GLI3: variants seen among roughly 807,000 people sequenced by gnomAD.
The protein encoded by GLI3 is transcription activator GLI3.
GLI3 carries 20 observed loss-of-function variants against 100.8 expected under a neutral mutation model. The ratio of observed to expected loss-of-function variants is 0.20; its 90% CI spans 0.14 to 0.29. GLI3 has a LOEUF of 0.29. Among genes scored for constraint, GLI3 ranks in the 10% least tolerant of loss-of-function variants. The pLI, the probability that GLI3 is intolerant of heterozygous loss-of-function variation, is 1.00. For synonymous variants in GLI3, 938 were observed against 860.5 expected (o/e 1.09, Z -1.58); for missense variants, 2,040 against 2,128.5 (o/e 0.96, Z 0.82).
intron 3 of GLI3, among the ~76,000 whole-genome samples, chr7:42,135,335 T>C (rs13231026): frequency 0.14 from 21,480 of 152,222 alleles, 1,899 homozygotes; most frequent in Non-Finnish European, 0.2. Context: ...CAGAGTATTA[T>C]AGTCACTCTT....
chr7:42,169,818 G>T lies in GLI3; in HGVS notation c.125-21350C>A, dbSNP rs116885495. On this transcript the variant is annotated intron_variant, in intron 2 of 14. Transcript: ENST00000395925. ...AAATGCCAAAATGTTAGCAGTGATG[G>T]TTATCTGTGAGAAGTCAATTACTTC... Among the ~76,000 whole-genome samples, 851 of 152,106 alleles carry T rather than the reference G, an allele frequency of 5.6e-3. 6 individuals are homozygous for T. Among genetic ancestry groups the T allele is most frequent in the Middle Eastern group, 0.024 (7 of 294 alleles).
At chr7:42,077,707 A>T (rs1276223248) in intron 3 of GLI3, among the ~76,000 whole-genome samples, 1 of 151,504 alleles carries the variant, frequency 6.6e-6, no homozygotes, top group Non-Finnish European at 1.5e-5. Context: ...ACTCACACCC[A>T]TTGTCACTGA....
intron 2 of GLI3, chr7:42,152,073 T>G (rs1786882884): frequency 6.6e-6 from 1 of 152,214 alleles, no homozygotes; most frequent in African/African-American, 2.4e-5. Flanking sequence ...GTTTCGGGTT[T>G]TTTTGTTTTG....
At chr7:42,208,338 C>T (rs1321018101) in intron 2 of GLI3, among the ~76,000 whole-genome samples, 1 of 152,124 alleles carries the variant, frequency 6.6e-6, no homozygotes, top group Non-Finnish European at 1.5e-5. Context: ...TACTGGAACT[C>T]TTTCTAAAAT....
At chr7:42,008,354 GCC>G (rs1788516794) in intron 10 of GLI3, among the ~76,000 whole-genome samples, 1 of 152,202 alleles carries the variant, frequency 6.6e-6, no homozygotes, top group South Asian at 2.1e-4. Context: ...CCACAGGACA[GCC>G]AACCACCAAC....
intron 2 of GLI3, among the ~76,000 whole-genome samples, chr7:42,212,523 G>A (rs1788291010): frequency 6.6e-6 from 1 of 152,150 alleles, no homozygotes; most frequent in South Asian, 2.1e-4. Context: ...CTTATAAAAT[G>A]TAACCATGGT....
chr7:42,040,498 A>G (rs552586169), intron 6 of GLI3, among the ~76,000 whole-genome samples: 47 of 152,270 alleles, frequency 3.1e-4, no homozygotes, highest in African/African-American at 1.0e-3. Flanking sequence ...CAAAAGGGAG[A>G]GATTTTTATG....
chr7:42,146,751 T>A (rs1202331293), intron 3 of GLI3, among the ~76,000 whole-genome samples: 1 of 152,182 alleles, frequency 6.6e-6, no homozygotes, highest in Non-Finnish European at 1.5e-5. Context: ...TCTGCATGGA[T>A]GATGTTTAAA....
intron 2 of GLI3, among the ~76,000 whole-genome samples, chr7:42,153,725 T>C (rs1257115414): frequency 6.6e-6 from 1 of 152,136 alleles, no homozygotes; most frequent in Non-Finnish European, 1.5e-5. Context: ...TAAAGTCACG[T>C]TCAAATGAAT....
chr7:42,213,715 G>A (rs561807355), intron 2 of GLI3, among the ~76,000 whole-genome samples: 4 of 152,322 alleles, frequency 2.6e-5, no homozygotes, highest in South Asian at 4.1e-4. Context: ...GAATGGGCCC[G>A]TAAGTGGAAA....
intron 3 of GLI3, among the ~76,000 whole-genome samples, chr7:42,087,222 C>T (rs1217535073): frequency 6.6e-6 from 1 of 152,206 alleles, no homozygotes; most frequent in Non-Finnish European, 1.5e-5. Context: ...CCTAAGGGGC[C>T]TCCAACAACA....
intron 1 of GLI3, among the ~76,000 whole-genome samples, chr7:42,224,658 C>A (rs554601848): frequency 6.6e-6 from 1 of 152,316 alleles, no homozygotes; most frequent in Admixed American, 6.5e-5. Flanking sequence ...ATTGTAAGAT[C>A]CACTCCAAAT....
chr7:42,205,921 G>C (rs963362546), intron 2 of GLI3, among the ~76,000 whole-genome samples: 1 of 152,108 alleles, frequency 6.6e-6, no homozygotes, highest in Non-Finnish European at 1.5e-5. Context: ...GCTTCCCACA[G>C]CCAATATAAT....
rs1023955570 is a variant in GLI3 at position 42,148,882 on chromosome 7, C to T, written c.125-414G>A. On this transcript the variant is annotated intron_variant, in intron 2 of 14. Coordinates refer to ENST00000395925, the MANE Select transcript of GLI3 (RefSeq NM_000168.6). ...GCTTCCCTTTGCCTGCCTGGGGACG[C>T]GGGGCCTCCGGGGTGACACAAAGTC... is the stretch of plus-strand genomic sequence containing the variant. 3.9e-5 allele frequency among the ~76,000 whole-genome samples: 6 copies of T among 152,134 alleles called. 1 individual carries two copies. The highest frequency in any genetic ancestry group is 6.3e-3 in the Middle Eastern group (2 of 316).
intron 10 of GLI3, among the ~76,000 whole-genome samples, chr7:42,012,175 A>AT: frequency 6.6e-6 from 1 of 152,226 alleles, no homozygotes; most frequent in Non-Finnish European, 1.5e-5. Flanking sequence ...ATTGTTTGTG[A>AT]TTATGGATCA....
chr7:42,016,248 C>A (rs1788758144), intron 10 of GLI3, among the ~76,000 whole-genome samples: 1 of 152,130 alleles, frequency 6.6e-6, no homozygotes, highest in African/African-American at 2.4e-5. Flanking sequence ...CTCCGCACTG[C>A]AGAAAAGCAC....
chr7:42,261,732 A>G (rs371471912), intron 1 of GLI3, among the ~76,000 whole-genome samples: 47 of 152,354 alleles, frequency 3.1e-4, no homozygotes, highest in African/African-American at 1.1e-3. Flanking sequence ...GTGCCTGATT[A>G]TAGGTGCCCT....
rs538967404 is a variant in GLI3 at position 41,964,242 on chromosome 7, A to G, written c.*88T>C. On this transcript the variant is annotated 3_prime_UTR_variant, in exon 15 of 15. Coordinates refer to ENST00000395925, the MANE Select transcript of GLI3 (RefSeq NM_000168.6). ...GAGATGAGATTGCTAAAATACATACAGAACTAAAAAAACAGCCAAAACAAA... is the reference window on the plus strand; with the variant it reads ...GAGATGAGATTGCTAAAATACATACGGAACTAAAAAAACAGCCAAAACAAA... 9 of 1,115,078 alleles carry G rather than the reference A, an allele frequency of 8.1e-6. No individual in the cohort carries two copies. Among genetic ancestry groups the G allele is most frequent in the South Asian group, 6.5e-5 (5 of 76,386 alleles). 69.1% of individuals were successfully genotyped at this position (1,115,078 alleles called of 1,614,324 possible).
intron 7 of GLI3, among the ~76,000 whole-genome samples, chr7:42,037,764 G>A (rs1274402745): frequency 6.6e-6 from 1 of 152,136 alleles, no homozygotes; most frequent in Non-Finnish European, 1.5e-5. Context: ...AAAGAGTTGT[G>A]GTATAGCTCC....
Sources: allele counts gnomAD v4.1 joint callset (sites outside exome capture counted in the v4.1 genomes callset), GRCh38; gene constraint gnomAD v4.1.1; transcripts MANE v1.5; gene names NCBI Gene and HGNC (gene_info 2026-07-23, HGNC 2026-07-21).